The following USP42 variants were observed in gnomAD, a reference collection of about 807,000 sequenced individuals.
The protein encoded by USP42 is ubiquitin carboxyl-terminal hydrolase 42.
USP42 carries 23 observed loss-of-function variants against 113.0 expected under a neutral mutation model. The observed-to-expected ratio is 0.20, with a 90% confidence interval of 0.15 to 0.29. The LOEUF is 0.29. USP42 is among the 10% of genes least tolerant of loss of function. The pLI is 1.00. For missense variants in USP42, 2,174 were observed against 1,779.8 expected, an observed-to-expected ratio of 1.22 and a Z score of -3.99; for synonymous variants, 933 against 699.0, an observed-to-expected ratio of 1.33 and a Z score of -5.28.
chr7:6,118,709 G>C (rs371679311), intron 3 of USP42, among the ~76,000 whole-genome samples: 2 of 151,858 alleles, frequency 1.3e-5, no homozygotes, highest in Non-Finnish European at 2.9e-5. Flanking sequence ...ATGGATGTTC[G>C]GTTGTTCTAG....
At chr7:6,093,177 C>G in the USP42 span, 20 of 138,842 alleles carry the variant, frequency 1.4e-4, 1 homozygote, top group African/African-American at 5.3e-4. Flanking sequence ...TTCCTTCCCT[C>G]CCTCTCTCCC....
intron 3 of USP42, among the ~76,000 whole-genome samples, chr7:6,118,507 A>G (rs986878698): frequency 1.3e-5 from 2 of 152,024 alleles, no homozygotes; most frequent in Non-Finnish European, 2.9e-5. Context: ...GGGTGACAGT[A>G]AGACCATGTC....
intron 1 of USP42, among the ~76,000 whole-genome samples, chr7:6,105,883 G>A (rs1384777047): frequency 6.6e-6 from 1 of 152,176 alleles, no homozygotes; most frequent in Non-Finnish European, 1.5e-5. Context: ...AGGAGGCCGT[G>A]GGGTCACTTG....
Position 6,140,963 on chromosome 7 carries a change from T to G in USP42, c.774T>G (p.Leu258=), listed in dbSNP as rs1781396009. ...TTTCAGATACTTTTGATCCATATCT[T>G]GATATAACATTGGAGATAAAGGTAA... ...KGVSDTFDPY[L]DITLEIKAAQ... is the part of the protein sequence containing the mutation. Residue 258 remains leucine (L), a synonymous_variant, in exon 7 of 18, where the codon CTT becomes CTG. Coordinates refer to ENST00000306177, the MANE Select transcript of USP42 (RefSeq NM_032172.3). The G allele has an allele frequency of 6.5e-7, 1 of 1,542,676 alleles. No individual in the cohort carries two copies. Among genetic ancestry groups the G allele is most frequent in the Non-Finnish European group, 8.8e-7 (1 of 1,134,592 alleles).
upstream of USP42, among the ~76,000 whole-genome samples, chr7:6,104,310 C>G (rs1779122938): frequency 6.6e-6 from 1 of 151,828 alleles, no homozygotes; most frequent in South Asian, 2.1e-4. Context: ...TCTCGAACTC[C>G]TGACCTCGTG....
At chr7:6,108,512 C>T (rs776851909) in intron 1 of USP42, among the ~76,000 whole-genome samples, 6 of 152,150 alleles carry the variant, frequency 3.9e-5, no homozygotes, top group African/African-American at 7.2e-5. Context: ...GACAGAGTCT[C>T]GCTCTGTCGC....
At chr7:6,106,017 T>C (rs968006690) in intron 1 of USP42, among the ~76,000 whole-genome samples, 2 of 152,226 alleles carry the variant, frequency 1.3e-5, no homozygotes, top group African/African-American at 2.4e-5. Context: ...TGGTGGCCTC[T>C]CAAAACGTTT....
chr7:6,123,594 C>G (rs1562816154), intron 3 of USP42, among the ~76,000 whole-genome samples: 1 of 152,024 alleles, frequency 6.6e-6, no homozygotes, highest in Admixed American at 6.6e-5. Flanking sequence ...CCCCGGGAGG[C>G]AGAGCCTGCA....
At chr7:6,093,444 C>T in the USP42 span, among the ~76,000 whole-genome samples, 2 of 150,584 alleles carry the variant, frequency 1.3e-5, no homozygotes, top group African/African-American at 2.5e-5. Context: ...CACCACCATG[C>T]TCGGGTAACT....
intron 12 of USP42, 104 bp from the exon 13 acceptor site, chr7:6,149,477 GAA>G (rs60551222): frequency 1.6e-3 from 1,851 of 1,132,098 alleles, no homozygotes; most frequent in South Asian, 1.8e-3. Flanking sequence ...TGTTAGTCCT[GAA>G]AAAAAAAAAA....
chr7:6,147,340 G>A (rs1781772156), intron 11 of USP42, among the ~76,000 whole-genome samples: 1 of 152,204 alleles, frequency 6.6e-6, no homozygotes, highest in Non-Finnish European at 1.5e-5. Flanking sequence ...GTGCATGTCT[G>A]TGGTCCCAGC....
rs1222998221 is a variant in USP42 at position 6,154,509 on chromosome 7, C to CCGGGAG, written c.2958_2963dup (p.Glu987_Arg988dup). 4 of 1,541,970 alleles carry CCGGGAG rather than the reference C, an allele frequency of 2.6e-6. No homozygotes were observed. Among genetic ancestry groups the CCGGGAG allele is most frequent in the Non-Finnish European group, 3.5e-6 (4 of 1,143,994 alleles). ...GTCACCGGCGGCGCCGCACCTGCCC[C>CCGGGAG]CGGGAGCGCGACCGCCAGGACCGCC... On this transcript the variant is annotated inframe_insertion, in exon 15 of 18. Transcript: ENST00000306177.
At chr7:6,117,152 C>T (rs1779956739) in intron 3 of USP42, among the ~76,000 whole-genome samples, 1 of 152,114 alleles carries the variant, frequency 6.6e-6, no homozygotes, top group Admixed American at 6.6e-5. Context: ...ACATGTTCAT[C>T]ACCCTCAAAA....
chr7:6,085,618 A>ATT, the USP42 span, among the ~76,000 whole-genome samples: 102 of 135,708 alleles, frequency 7.5e-4, 4 homozygotes, highest in African/African-American at 2.3e-3. Flanking sequence ...ATATATATAT[A>ATT]TATATATTTT....
chr7:6,119,339 C>T (rs891296265), intron 3 of USP42, among the ~76,000 whole-genome samples: 25 of 152,026 alleles, frequency 1.6e-4, no homozygotes, highest in African/African-American at 5.8e-4. Context: ...CTGGGTGTGG[C>T]GGCAAGCGCT....
the USP42 span, among the ~76,000 whole-genome samples, chr7:6,083,207 G>A: frequency 6.7e-6 from 1 of 148,560 alleles, no homozygotes; most frequent in Non-Finnish European, 1.5e-5. Context: ...TTACAGGCGT[G>A]AGCCACCGCA....
rs764668370 is a variant in USP42, at chr7:6,154,624, C to T, written c.3070C>T (p.His1024Tyr). Reference protein sequence around the residue: ...LGRCSHHHSRHRSGVELDWVR... With the variant: ...LGRCSHHHSRYRSGVELDWVR... The stretch of plus-strand genomic sequence containing the variant: ...CAGGTGCAGTCACCACCACTCCCGA[C>T]ACCGGAGCGGGGTGGAGCTGGACTG... The change falls in exon 15 of 18, where the codon CAC becomes TAC. Residue 1024 changes from histidine (H) to tyrosine (Y), a missense_variant. His to Tyr is a moderately conservative substitution (Grantham distance 83, BLOSUM62 2). Transcript: ENST00000306177. 1 of 1,599,806 alleles carries T rather than the reference C, an allele frequency of 6.3e-7. No homozygotes were observed. The highest frequency in any genetic ancestry group is 8.5e-7 in the Non-Finnish European group (1 of 1,174,696).
At chr7:6,142,823 G>T (rs1170542937) in intron 7 of USP42, 109 bp from the exon 8 acceptor site, 4 of 968,228 alleles carry the variant, frequency 4.1e-6, no homozygotes, top group Non-Finnish European at 6.4e-6. Flanking sequence ...GGTCGAGGCT[G>T]CAGTGAGCTG....
At chr7:6,106,432 C>T (rs1288383421) in intron 1 of USP42, among the ~76,000 whole-genome samples, 2 of 152,192 alleles carry the variant, frequency 1.3e-5, no homozygotes, top group African/African-American at 4.8e-5. Context: ...ATAATGCATT[C>T]TAGCATTTGA....
Sources: gnomAD v4.1 joint callset for allele counts (sites outside exome capture counted in the v4.1 genomes callset) on GRCh38, gnomAD v4.1.1 for gene constraint, MANE v1.5 for transcripts, NCBI Gene and HGNC (gene_info 2026-07-23, HGNC 2026-07-21) for gene names.